The following LRP12 variants were observed in gnomAD, a reference collection of about 807,000 sequenced individuals.
LRP12 encodes LDL receptor related protein 12.
In LRP12, 14 loss-of-function variants were observed where a neutral mutation model predicts 66.0. The observed-to-expected ratio is 0.21, with a 90% CI of 0.14 to 0.33. The LOEUF (loss-of-function observed/expected upper bound fraction) is 0.33. LRP12 is among the 10% of genes least tolerant of loss of function. LRP12 has a pLI of 1.00. For missense variants in LRP12, 889 were observed against 1,053.4 expected (o/e 0.84, Z 2.16); for synonymous variants, 357 against 359.1 (o/e 0.99, Z 0.07).
At position 104,536,009 on chromosome 8, in the gene LRP12, A is replaced by G. The variant is rs1206384403; in HGVS notation, c.80-4046T>C. Among the ~76,000 whole-genome samples the G allele has an allele frequency of 5.3e-5, 8 of 152,114 alleles. No homozygotes were observed. The East Asian group carries it at 1.5e-3, about 29-fold the overall frequency. On this transcript the variant is annotated intron_variant, in intron 1 of 6. Transcript: ENST00000276654. ...CTCAGCTTCCTACAATTTCTTTTCT[A>G]CTGCTCAGTGAGAATAGTTATCAAA...
At position 104,508,961 on chromosome 8, in the gene LRP12, G is replaced by C. The variant is rs751690603; in HGVS notation, c.250C>G (p.Pro84Ala). The C allele has an allele frequency of 1.2e-6, 2 of 1,613,234 alleles. No homozygotes were observed. Among genetic ancestry groups the C allele is most frequent in the East Asian group, 2.2e-5 (1 of 44,862 alleles). The change falls in exon 3 of 7, where the codon CCA (proline) becomes GCA (alanine). Residue 84 changes from proline to alanine, a missense_variant. By Grantham distance (27) the Pro-to-Ala change is conservative (BLOSUM62 -1). This residue lies in a region of LRP12 where 800 missense variants were observed against 964.5 expected (regional missense o/e 0.83). Transcript: ENST00000276654. ...INCSWFIRAN[P>A]GEIITISFQD... Reference sequence around the variant, plus strand: ...TACCTTATAGTAATGATTTCGCCTGGGTTTGCCCTTATGAACCAGCTACAG... The same window carrying C: ...TACCTTATAGTAATGATTTCGCCTGCGTTTGCCCTTATGAACCAGCTACAG...
chr8:104,570,972 A>G (rs1436297013), intron 1 of LRP12, among the ~76,000 whole-genome samples: 2 of 152,216 alleles, frequency 1.3e-5, no homozygotes, highest in East Asian at 1.9e-4. Context: ...AAGATGTTCA[A>G]TATCATTAGC....
chr8:104,574,135 A>G (rs1046897608), intron 1 of LRP12, among the ~76,000 whole-genome samples: 1 of 152,206 alleles, frequency 6.6e-6, no homozygotes, highest in African/African-American at 2.4e-5. Flanking sequence ...AAACTAAGAC[A>G]ATGCCACTAT....
chr8:104,499,029 G>T (rs965617392), intron 4 of LRP12, among the ~76,000 whole-genome samples: 1 of 152,118 alleles, frequency 6.6e-6, no homozygotes. Context: ...CTGGATATGC[G>T]TAAGCACTTG....
chr8:104,585,384 C>T (rs1400287083), intron 1 of LRP12, among the ~76,000 whole-genome samples: 3 of 152,300 alleles, frequency 2.0e-5, no homozygotes, highest in Non-Finnish European at 4.4e-5. Flanking sequence ...TACCAGCACA[C>T]CTGGCTAATT....
At chr8:104,504,721 T>A (rs1810879672) in intron 3 of LRP12, 3 of 152,202 alleles carry the variant, frequency 2.0e-5, no homozygotes, top group Admixed American at 2.0e-4. Flanking sequence ...ATGTTCCACA[T>A]GTCTTTGAAA....
intron 3 of LRP12, among the ~76,000 whole-genome samples, chr8:104,501,897 C>G (rs1039709848): frequency 6.6e-6 from 1 of 152,094 alleles, no homozygotes; most frequent in Non-Finnish European, 1.5e-5. Flanking sequence ...CCTAAGATAT[C>G]TTGGTGTTTC....
chr8:104,547,582 TA>T (rs1488601704), intron 1 of LRP12, among the ~76,000 whole-genome samples: 10 of 122,282 alleles, frequency 8.2e-5, no homozygotes, highest in African/African-American at 1.3e-4. Flanking sequence ...TATTATATAT[TA>T]ATATATAATA....
chr8:104,554,289 C>T (rs995339895), intron 1 of LRP12, among the ~76,000 whole-genome samples: 1 of 152,026 alleles, frequency 6.6e-6, no homozygotes, highest in Non-Finnish European at 1.5e-5. Context: ...TCTGACTTGC[C>T]AGAAAAAGAA....
At chr8:104,570,401 A>C (rs2140893636) in intron 1 of LRP12, among the ~76,000 whole-genome samples, 1 of 152,346 alleles carries the variant, frequency 6.6e-6, no homozygotes, top group South Asian at 2.1e-4. Context: ...ACAGTAATTA[A>C]GAAAGTGTGT....
intron 1 of LRP12, among the ~76,000 whole-genome samples, chr8:104,586,821 T>C (rs2140904402): frequency 6.6e-6 from 1 of 151,816 alleles, no homozygotes; most frequent in Non-Finnish European, 1.5e-5. Context: ...ATGTTCTGCC[T>C]GGTTCACTAC....
intron 6 of LRP12, 119 bp from the exon 7 acceptor site, chr8:104,491,658 C>T (rs967799054): frequency 3.1e-5 from 25 of 811,710 alleles, no homozygotes; most frequent in Non-Finnish European, 4.2e-5. Flanking sequence ...CTCATTGTTG[C>T]TTTTGGGTCT....
intron 1 of LRP12, among the ~76,000 whole-genome samples, chr8:104,580,757 CTAAT>C (rs760654780): frequency 3.3e-5 from 5 of 152,186 alleles, no homozygotes; most frequent in South Asian, 2.1e-4. Flanking sequence ...GTCAGAATGG[CTAAT>C]TATTAAAAGG....
At position 104,589,136 on chromosome 8, in the gene LRP12, C is replaced by A. The variant is rs1041591500; in HGVS notation, c.-239G>T. ...CCCCGGGCGGTGCGAGAGCCCCACG[C>A]GGGGCGGCCCTCCTGGGGGCAAGGG... On this transcript the variant is annotated 5_prime_UTR_variant, in exon 1 of 7. Coordinates refer to ENST00000276654, the MANE Select transcript of LRP12 (RefSeq NM_013437.5). 4.3e-5 allele frequency: 7 copies of A among 161,090 alleles called. No homozygotes were observed. The highest frequency in any genetic ancestry group is 6.7e-5 in the Admixed American group (1 of 14,906). The allele number at this position is 161,090 out of a possible 1,614,324, so 10.0% of individuals were successfully genotyped here. A position where few individuals can be genotyped will look rare whatever the true frequency, so the allele number is the denominator to read the frequency against.
At chr8:104,585,063 C>T (rs988296235) in intron 1 of LRP12, among the ~76,000 whole-genome samples, 1 of 152,098 alleles carries the variant, frequency 6.6e-6, no homozygotes. Flanking sequence ...AAGCTGAAAA[C>T]CAGTTTAAAA....
chr8:104,518,663 C>T (rs144440112), intron 2 of LRP12, among the ~76,000 whole-genome samples: 3 of 152,138 alleles, frequency 2.0e-5, no homozygotes, highest in African/African-American at 7.2e-5. Context: ...TCCTTATTTG[C>T]TACACATTAT....
chr8:104,529,260 C>T (rs1811291294), intron 2 of LRP12, among the ~76,000 whole-genome samples: 2 of 151,990 alleles, frequency 1.3e-5, no homozygotes, highest in South Asian at 4.1e-4. Flanking sequence ...CATTTATAAG[C>T]CAAAGAAAAA....
intron 1 of LRP12, among the ~76,000 whole-genome samples, chr8:104,577,530 GC>G (rs1375873810): frequency 1.3e-5 from 2 of 152,078 alleles, no homozygotes; most frequent in African/African-American, 4.8e-5. Context: ...TTGGAAACAG[GC>G]CGGGAGCAGT....
chr8:104,564,334 T>C (rs1444579100), intron 1 of LRP12, among the ~76,000 whole-genome samples: 1 of 152,214 alleles, frequency 6.6e-6, no homozygotes, highest in Non-Finnish European at 1.5e-5. Flanking sequence ...AGATTCAGCA[T>C]TTCTAACCAG....
Sources: allele counts gnomAD v4.1 joint callset (sites outside exome capture counted in the v4.1 genomes callset), GRCh38; gene constraint gnomAD v4.1.1; regional missense constraint gnomAD v4.1.1; transcripts MANE v1.5; gene names NCBI Gene and HGNC (gene_info 2026-07-23, HGNC 2026-07-21).